The following PTPRG variants were observed in gnomAD, a reference collection of about 807,000 sequenced individuals.
The protein encoded by PTPRG is protein tyrosine phosphatase receptor type G.
A neutral mutation model predicts 165.3 loss-of-function variants in PTPRG; 102 were observed. The ratio of observed to expected loss-of-function variants is 0.62; its 90% CI spans 0.53 to 0.73. The LOEUF is 0.73. PTPRG is among the 30% of genes least tolerant of loss of function. The pLI, the probability that PTPRG is intolerant of heterozygous loss-of-function variation, is 0.00. For synonymous variants in PTPRG, 675 were observed against 669.5 expected, an observed-to-expected ratio of 1.01 and a Z score of -0.13; for missense variants, 1,866 against 1,861.4, an observed-to-expected ratio of 1.00 and a Z score of -0.05.
At chr3:62,276,877 G>A in intron 24 of PTPRG, 95 bp from the exon 25 acceptor site, 1 of 891,920 alleles carries the variant, frequency 1.1e-6, no homozygotes, top group South Asian at 1.5e-5. Flanking sequence ...GAAGCCAGGA[G>A]GATATGTTAT....
intron 4 of PTPRG, among the ~76,000 whole-genome samples, chr3:62,064,327 T>A (rs4688283): frequency 0.46 from 69,426 of 152,024 alleles, 15,967 homozygotes; most frequent in East Asian, 0.67. Flanking sequence ...GGACACAAAC[T>A]ATACTGAGTT....
intron 2 of PTPRG, among the ~76,000 whole-genome samples, chr3:61,954,158 T>C (rs2039967876): frequency 6.6e-6 from 1 of 152,128 alleles, no homozygotes; most frequent in African/African-American, 2.4e-5. Context: ...ATCCCTTCCC[T>C]GCCCAACTTC....
chr3:61,944,081 A>G (rs2039696371), intron 2 of PTPRG, among the ~76,000 whole-genome samples: 1 of 152,196 alleles, frequency 6.6e-6, no homozygotes, highest in African/African-American at 2.4e-5. Context: ...CTCAACCTCA[A>G]CACTATTGAC....
intron 1 of PTPRG, among the ~76,000 whole-genome samples, chr3:61,589,932 A>G (rs562830462): frequency 6.6e-6 from 1 of 152,268 alleles, no homozygotes; most frequent in South Asian, 2.1e-4. Flanking sequence ...TGGCTAGAGC[A>G]AGAGACCCAC....
At chr3:61,654,665 C>G (rs1000555933) in intron 1 of PTPRG, among the ~76,000 whole-genome samples, 2 of 151,974 alleles carry the variant, frequency 1.3e-5, no homozygotes, top group Non-Finnish European at 2.9e-5. Context: ...GGATTACAGG[C>G]GTGAGCCACC....
At chr3:61,604,527 G>A (rs1286897423) in intron 1 of PTPRG, among the ~76,000 whole-genome samples, 1 of 152,096 alleles carries the variant, frequency 6.6e-6, no homozygotes, top group Non-Finnish European at 1.5e-5. Context: ...CTATGCATCA[G>A]GTATTATTCT....
rs193244019 is a variant in PTPRG at position 62,024,132 on chromosome 3, G to A, written c.519+20635G>A. 1.2e-3 allele frequency among the ~76,000 whole-genome samples: 186 copies of A among 152,122 alleles called. 1 individual carries two copies. Among genetic ancestry groups the A allele is most frequent in the African/African-American group, 4.2e-3 (176 of 41,514 alleles). On this transcript the variant is annotated intron_variant, in intron 4 of 29. Transcript: ENST00000474889. Reference sequence around the variant, plus strand: ...TTTTTGACTGACAACTATGTTTATGGTACACTACATGATGTTTTGATATAT... The same window carrying A: ...TTTTTGACTGACAACTATGTTTATGATACACTACATGATGTTTTGATATAT...
At chr3:61,748,164 T>C (rs186245299) in intron 1 of PTPRG, among the ~76,000 whole-genome samples, 96 of 152,360 alleles carry the variant, frequency 6.3e-4, no homozygotes, top group African/African-American at 2.3e-3. Context: ...TCTTGTTTCA[T>C]ATCTTCTGGC....
At chr3:61,635,141 A>G (rs938855795) in intron 1 of PTPRG, among the ~76,000 whole-genome samples, 1 of 152,132 alleles carries the variant, frequency 6.6e-6, no homozygotes, top group Non-Finnish European at 1.5e-5. Context: ...GAGCCTGTCA[A>G]ACAGCCATAT....
intron 4 of PTPRG, among the ~76,000 whole-genome samples, chr3:62,033,389 G>T (rs1169146730): frequency 2.0e-5 from 3 of 146,480 alleles, no homozygotes; most frequent in Non-Finnish European, 4.5e-5. Context: ...TTTGAGACAG[G>T]GTCTCACTCT....
intron 21 of PTPRG, among the ~76,000 whole-genome samples, chr3:62,272,744 T>C (rs1171744272): frequency 6.6e-6 from 1 of 152,008 alleles, no homozygotes; most frequent in Non-Finnish European, 1.5e-5. Context: ...AGGCTGAGGC[T>C]CGAGAATTGC....
chr3:61,900,871 C>T (rs1030788109), intron 2 of PTPRG, among the ~76,000 whole-genome samples: 9 of 152,090 alleles, frequency 5.9e-5, no homozygotes, highest in Non-Finnish European at 1.0e-4. Flanking sequence ...ATCCTGGTCC[C>T]GCTGTGGTTT....
chr3:61,765,554 G>T (rs901475423), intron 2 of PTPRG, among the ~76,000 whole-genome samples: 3 of 152,110 alleles, frequency 2.0e-5, no homozygotes, highest in Admixed American at 1.3e-4. Flanking sequence ...TAGTTACCCA[G>T]TTGTGAACCT....
At chr3:61,874,148 C>T (rs1041640302) in intron 2 of PTPRG, among the ~76,000 whole-genome samples, 2 of 152,120 alleles carry the variant, frequency 1.3e-5, no homozygotes, top group Non-Finnish European at 2.9e-5. Context: ...ACCATTTCCT[C>T]GATCCTCACC....
intron 1 of PTPRG, among the ~76,000 whole-genome samples, chr3:61,623,399 G>T (rs1023630705): frequency 1.3e-5 from 2 of 152,196 alleles, no homozygotes; most frequent in Non-Finnish European, 2.9e-5. Flanking sequence ...AGAGAAATCG[G>T]GGGGAAGGAC....
chr3:61,759,352 A>G (rs1252218800), intron 2 of PTPRG, among the ~76,000 whole-genome samples: 4 of 152,222 alleles, frequency 2.6e-5, no homozygotes, highest in South Asian at 2.1e-4. Flanking sequence ...TCATGTCACT[A>G]TAGTATATAA....
chr3:61,594,093 C>T (rs577198001), intron 1 of PTPRG, among the ~76,000 whole-genome samples: 4 of 152,222 alleles, frequency 2.6e-5, no homozygotes, highest in African/African-American at 9.6e-5. Context: ...AGAATCTAAA[C>T]TGTATACTAG....
chr3:61,562,181 G>A lies in PTPRG; in HGVS notation c.-107G>A, dbSNP rs1681597841. 1 of 1,038,192 alleles carries A rather than the reference G, an allele frequency of 9.6e-7. No homozygotes were observed. Among genetic ancestry groups the A allele is most frequent in the Admixed American group, 1.8e-5 (1 of 54,234 alleles). The allele number at this position is 1,038,192 out of a possible 1,614,324, so 64.3% of individuals were successfully genotyped here. ...CCGAGCGCGGGGGGCCCGTGGAGCGGGCGAGCCGGGGAAGCGCCCCGGCTT... is the reference window on the plus strand; with the variant it reads ...CCGAGCGCGGGGGGCCCGTGGAGCGAGCGAGCCGGGGAAGCGCCCCGGCTT... On this transcript the variant is annotated 5_prime_UTR_variant, in exon 1 of 30. Coordinates refer to ENST00000474889, the MANE Select transcript of PTPRG (RefSeq NM_002841.4).
At chr3:61,929,869 A>G (rs138260279) in intron 2 of PTPRG, among the ~76,000 whole-genome samples, 333 of 152,276 alleles carry the variant, frequency 2.2e-3, no homozygotes, top group African/African-American at 7.7e-3. Flanking sequence ...CCTTTATTTC[A>G]TTTGTACCAT....
Sources: allele counts gnomAD v4.1 joint callset (sites outside exome capture counted in the v4.1 genomes callset), GRCh38; gene constraint gnomAD v4.1.1; transcripts MANE v1.5; gene names NCBI Gene and HGNC (gene_info 2026-07-23, HGNC 2026-07-21).